PLOD2: variants seen among roughly 807,000 people sequenced by gnomAD.
PLOD2 encodes the protein procollagen-lysine,2-oxoglutarate 5-dioxygenase 2, also known as lysine hydroxylase 2.
A neutral mutation model predicts 101.0 loss-of-function variants in PLOD2; 65 were observed. The observed-to-expected ratio is 0.64, with a 90% CI of 0.53 to 0.79. The LOEUF (loss-of-function observed/expected upper bound fraction) is 0.79. PLOD2 is among the 30% of genes least tolerant of loss of function. The pLI, the probability that PLOD2 is intolerant of heterozygous loss-of-function variation, is 0.00. For synonymous variants in PLOD2, 314 were observed against 302.9 expected (o/e 1.04, Z -0.38); for missense variants, 909 against 914.6 (o/e 0.99, Z 0.08).
intron 2 of PLOD2, chr3:146,123,183 T>C: frequency 3.3e-6 from 1 of 302,478 alleles, no homozygotes; most frequent in South Asian, 4.3e-5. Flanking sequence ...ATATACTACA[T>C]ACTCAAATGG....
At chr3:146,130,118 C>T (rs1208726483) in intron 1 of PLOD2, among the ~76,000 whole-genome samples, 1 of 152,176 alleles carries the variant, frequency 6.6e-6, no homozygotes, top group Non-Finnish European at 1.5e-5. Flanking sequence ...TCTCTCTTCT[C>T]CAACCACATT....
intron 1 of PLOD2, among the ~76,000 whole-genome samples, chr3:146,150,459 G>A (rs1036775368): frequency 6.6e-6 from 1 of 151,968 alleles, no homozygotes; most frequent in East Asian, 1.9e-4. Context: ...ATTATCCTTA[G>A]CAAACTAACA....
At chr3:146,083,375 T>C (rs959329) in intron 11 of PLOD2, among the ~76,000 whole-genome samples, 78,579 of 152,002 alleles carry the variant, frequency 0.52, 20,432 homozygotes, top group Middle Eastern at 0.56. Context: ...CTTTCTCTAC[T>C]CTTCAGTCCA....
At chr3:146,150,954 T>G (rs2032029249) in intron 1 of PLOD2, among the ~76,000 whole-genome samples, 1 of 152,194 alleles carries the variant, frequency 6.6e-6, no homozygotes, top group Non-Finnish European at 1.5e-5. Context: ...AAATGTAAAT[T>G]TAATTCTAGT....
At chr3:146,096,984 C>T (rs1453050058) in intron 7 of PLOD2, among the ~76,000 whole-genome samples, 10 of 144,384 alleles carry the variant, frequency 6.9e-5, no homozygotes, top group Non-Finnish European at 1.4e-4. Flanking sequence ...CCAGCCGCCC[C>T]GGCCGGGAGG....
chr3:146,127,400 G>A (rs1426796211), intron 1 of PLOD2, among the ~76,000 whole-genome samples: 1 of 151,928 alleles, frequency 6.6e-6, no homozygotes, highest in African/African-American at 2.4e-5. Context: ...CCATTGTTTA[G>A]CTCCCACTTA....
At chr3:146,153,843 A>G (rs963456325) in intron 1 of PLOD2, among the ~76,000 whole-genome samples, 1 of 151,944 alleles carries the variant, frequency 6.6e-6, no homozygotes, top group African/African-American at 2.4e-5. Context: ...AAAAAAAAAA[A>G]AGATAAGAAA....
At chr3:146,103,826 TACACACACACACAC>T (rs3059069) in intron 6 of PLOD2, among the ~76,000 whole-genome samples, 3,517 of 146,582 alleles carry the variant, frequency 0.024, 142 homozygotes, top group African/African-American at 0.083. Flanking sequence ...CACGAGCATG[TACACACACACACAC>T]ACACACACAC....
chr3:146,079,982 T>C (rs1936477070), intron 12 of PLOD2, among the ~76,000 whole-genome samples: 1 of 152,028 alleles, frequency 6.6e-6, no homozygotes, highest in Non-Finnish European at 1.5e-5. Context: ...CATGACTGAT[T>C]TCATAAAAAC....
rs773796807 is a variant in PLOD2 at position 146,086,871 on chromosome 3, T to C, written c.1043A>G (p.Asp348Gly). 6 of 1,530,598 alleles carry C rather than the reference T, an allele frequency of 3.9e-6. No homozygotes were observed. The Admixed American group carries it at 1.1e-4, about 27-fold the overall frequency. 94.8% of individuals were successfully genotyped at this position (1,530,598 alleles called of 1,614,324 possible). Residue 348 changes from aspartate to glycine, a missense_variant, in exon 10 of 20, where the codon GAT becomes GGT. Physicochemically the swap from Asp to Gly is moderately conservative, Grantham distance 94 (BLOSUM62 -1). Transcript: ENST00000282903. Reference sequence around the variant, plus strand: ...AGTTTTGATTTCATGCTTAGCTTTATCAAAAAATACCTTGATGTCCTTTTC... The same window carrying C: ...AGTTTTGATTTCATGCTTAGCTTTACCAAAAAATACCTTGATGTCCTTTTC... ...YHEKDIKVFF[D>G]KAKHEIKTIK...
intron 1 of PLOD2, among the ~76,000 whole-genome samples, chr3:146,129,584 T>C (rs971360362): frequency 2.6e-5 from 4 of 152,130 alleles, no homozygotes; most frequent in East Asian, 1.9e-4. Flanking sequence ...TGAGTTAGTA[T>C]ATATAAAGCA....
intron 1 of PLOD2, among the ~76,000 whole-genome samples, chr3:146,148,342 A>ACACACACG (rs2031891613): frequency 7.4e-6 from 1 of 135,238 alleles, no homozygotes; most frequent in South Asian, 2.5e-4. Flanking sequence ...AGGCACGCAC[A>ACACACACG]CACACACACA....
intron 3 of PLOD2, among the ~76,000 whole-genome samples, chr3:146,113,806 G>A (rs183713575): frequency 1.9e-3 from 289 of 152,284 alleles, no homozygotes; most frequent in African/African-American, 6.4e-3. Context: ...GGATAACAGC[G>A]ATGTTCAGGG....
In PLOD2 at chr3:146,088,664, AG is replaced by A. The variant is rs1936870353; in HGVS notation, c.926del (p.Pro309LeufsTer11). ...SIGVFIEQPTPFLPRFLDILL... is the reference protein window; with the variant it reads ...SIGVFIEQPTXFLPRFLDILL... ...ATATGTCCAGAAACCGAGGTAGAAA[AG>A]GGGTTGGTTGCTCAATAAAAACACC... On this transcript the variant is annotated frameshift_variant, in exon 9 of 20. Transcript: ENST00000282903. LOFTEE classifies it high-confidence loss of function. 4 of 1,606,380 alleles carry A rather than the reference AG, an allele frequency of 2.5e-6. No individual in the cohort carries two copies. Among genetic ancestry groups the A allele is most frequent in the African/African-American group, 1.3e-5 (1 of 74,724 alleles).
At position 146,161,040 on chromosome 3, in the gene PLOD2, C is replaced by T. The variant is rs1196628514; in HGVS notation, c.-51G>A. The T allele has an allele frequency of 7.8e-7, 1 of 1,288,950 alleles. No homozygotes were observed. Among genetic ancestry groups the T allele is most frequent in the South Asian group, 1.3e-5 (1 of 78,626 alleles). 79.8% of individuals were successfully genotyped at this position (1,288,950 alleles called of 1,614,324 possible). Reference sequence around the variant, plus strand: ...CTCAGGCGCCCACGGCCCCGCAGCGCCGCGCTTCTCGCGAGAACGCAGAGA... The same window carrying T: ...CTCAGGCGCCCACGGCCCCGCAGCGTCGCGCTTCTCGCGAGAACGCAGAGA... On this transcript the variant is annotated 5_prime_UTR_variant, in exon 1 of 20. Transcript: ENST00000282903.
intron 1 of PLOD2, among the ~76,000 whole-genome samples, chr3:146,155,694 G>A (rs1256514834): frequency 2.9e-5 from 4 of 137,712 alleles, no homozygotes; most frequent in Admixed American, 7.8e-5. Flanking sequence ...CAGCCTGGGC[G>A]ACAGAACGAG....
intron 3 of PLOD2, among the ~76,000 whole-genome samples, chr3:146,118,186 GA>G (rs1160429358): frequency 4.6e-5 from 7 of 152,006 alleles, no homozygotes; most frequent in Non-Finnish European, 1.0e-4. Flanking sequence ...CTATTTTAAT[GA>G]ACTTGGTATT....
rs560399064 is a variant in PLOD2 at position 146,126,807 on chromosome 3, C to T, written c.110-2578G>A. Among the ~76,000 whole-genome samples the T allele has an allele frequency of 5.3e-5, 7 of 132,100 alleles. No individual in the cohort carries two copies. In the South Asian group the frequency reaches 1.7e-3, roughly 32 times the overall value. The allele number at this position is 132,100 out of a possible 152,430, so 86.7% of individuals were successfully genotyped here. A position where few individuals can be genotyped will look rare whatever the true frequency, so the allele number is the denominator to read the frequency against. ...AGAAATTAGTTAATTTTTTAGCATG[C>T]TAATTTCATTTACTTTTTTTTAAAA... On this transcript the variant is annotated intron_variant, in intron 1 of 19. Transcript: ENST00000282903.
intron 2 of PLOD2, 92 bp downstream of exon 2, chr3:146,124,046 C>T (rs1397270680): frequency 1.4e-5 from 11 of 760,928 alleles, no homozygotes; most frequent in Non-Finnish European, 2.1e-5. Flanking sequence ...ATGCTATCTT[C>T]CTTGTGAGGA....
Sources: gnomAD v4.1 joint callset for allele counts (sites outside exome capture counted in the v4.1 genomes callset) on GRCh38, gnomAD v4.1.1 for gene constraint, MANE v1.5 for transcripts, NCBI Gene and HGNC (gene_info 2026-07-23, HGNC 2026-07-21) for gene names.